The following FNIP1 variants were observed in gnomAD, a reference collection of about 807,000 sequenced individuals.
FNIP1 encodes the protein folliculin-interacting protein 1.
Under a neutral mutation model 124.5 loss-of-function variants are expected in FNIP1, and 40 were observed. The ratio of observed to expected loss-of-function variants is 0.32; its 90% CI spans 0.25 to 0.42. The LOEUF (loss-of-function observed/expected upper bound fraction) is 0.42, where lower values mean the gene tolerates loss of function less well. Among genes scored for constraint, FNIP1 ranks in the 10% least tolerant of loss-of-function variants. The pLI, the probability that FNIP1 is intolerant of heterozygous loss-of-function variation, is 1.00. For synonymous variants in FNIP1, 472 were observed against 470.6 expected (o/e 1.00, Z -0.04); for missense variants, 1,176 against 1,403.7 (o/e 0.84, Z 2.59).
intron 8 of FNIP1, among the ~76,000 whole-genome samples, 161 bp from the exon 9 acceptor site, chr5:131,706,707 T>G (rs1166725713): frequency 6.6e-6 from 1 of 152,214 alleles, no homozygotes; most frequent in Non-Finnish European, 1.5e-5. Flanking sequence ...TAGCAAGGTC[T>G]CAGAGGAGAA....
chr5:131,783,488 C>A (rs769473040), intron 1 of FNIP1, among the ~76,000 whole-genome samples: 12 of 150,160 alleles, frequency 8.0e-5, no homozygotes, highest in African/African-American at 2.7e-4. Context: ...AAGATCAATA[C>A]GGGAGACTGT....
At chr5:131,688,736 T>C (rs1015509679) in intron 11 of FNIP1, among the ~76,000 whole-genome samples, 1 of 139,242 alleles carries the variant, frequency 7.2e-6, no homozygotes, top group African/African-American at 2.6e-5. Context: ...GAATGAAGAA[T>C]GCTTTTGATG....
intron 15 of FNIP1, among the ~76,000 whole-genome samples, chr5:131,658,393 G>A (rs1767275370): frequency 6.6e-6 from 1 of 152,028 alleles, no homozygotes; most frequent in Non-Finnish European, 1.5e-5. Context: ...CTGGGGTATG[G>A]GGCCAAGCTA....
At chr5:131,654,442 A>G (rs561025175) in intron 15 of FNIP1, among the ~76,000 whole-genome samples, 1 of 152,348 alleles carries the variant, frequency 6.6e-6, no homozygotes, top group Non-Finnish European at 1.5e-5. Context: ...CTCCTGGATA[A>G]GCCCAGGTTT....
chr5:131,727,223 G>C (rs929514319), intron 3 of FNIP1, among the ~76,000 whole-genome samples: 17 of 152,134 alleles, frequency 1.1e-4, no homozygotes, highest in Non-Finnish European at 2.1e-4. Flanking sequence ...CTGTCTCGTT[G>C]ATCAGTCTAA....
At chr5:131,722,606 A>G (rs1404574578) in intron 3 of FNIP1, among the ~76,000 whole-genome samples, 1 of 152,142 alleles carries the variant, frequency 6.6e-6, no homozygotes, top group Admixed American at 6.5e-5. Flanking sequence ...AAGATAATCC[A>G]CGTTTAAATA....
intron 10 of FNIP1, among the ~76,000 whole-genome samples, chr5:131,702,171 G>A: frequency 6.6e-6 from 1 of 152,122 alleles, no homozygotes; most frequent in East Asian, 1.9e-4. Flanking sequence ...AAATGTGTAT[G>A]TGACAATGAT....
intron 15 of FNIP1, among the ~76,000 whole-genome samples, chr5:131,663,820 G>A (rs1048220771): frequency 9.9e-5 from 15 of 152,204 alleles, no homozygotes; most frequent in Non-Finnish European, 1.9e-4. Context: ...TTTGCTAAAA[G>A]TTAACAGTGC....
At chr5:131,695,249 T>G (rs1282876335) in intron 11 of FNIP1, among the ~76,000 whole-genome samples, 1 of 152,190 alleles carries the variant, frequency 6.6e-6, no homozygotes, top group African/African-American at 2.4e-5. Context: ...CTGTTCAAAT[T>G]AAGTCTCTTC....
intron 1 of FNIP1, among the ~76,000 whole-genome samples, chr5:131,792,296 G>C (rs1485854506): frequency 6.6e-6 from 1 of 151,922 alleles, no homozygotes; most frequent in South Asian, 2.1e-4. Flanking sequence ...GAGTAGCTGG[G>C]ATTACAGGCG....
At chr5:131,712,359 T>C (rs573888116) in intron 6 of FNIP1, among the ~76,000 whole-genome samples, 152 of 152,308 alleles carry the variant, frequency 1.0e-3, no homozygotes, top group African/African-American at 3.6e-3. Context: ...CCTCCATATA[T>C]CTAATCCTAC....
At chr5:131,693,303 T>TATATATATACATATATTAC (rs1554094441) in intron 11 of FNIP1, among the ~76,000 whole-genome samples, 325 of 29,196 alleles carry the variant, frequency 0.011, 3 homozygotes, top group Non-Finnish European at 0.025. Context: ...TATACATATA[T>TATATATATACATATATTAC]ATATATATAT....
intron 15 of FNIP1, among the ~76,000 whole-genome samples, chr5:131,665,780 G>T (rs186059688): frequency 1.2e-3 from 179 of 151,700 alleles, no homozygotes; most frequent in African/African-American, 4.2e-3. Context: ...TAGCAGAGAC[G>T]GGGTTTCACT....
At chr5:131,670,930 G>A (rs1376799810) in intron 14 of FNIP1, among the ~76,000 whole-genome samples, 1 of 152,136 alleles carries the variant, frequency 6.6e-6, no homozygotes, top group South Asian at 2.1e-4. Flanking sequence ...GTAATGAAGT[G>A]AGGATCAATC....
intron 2 of FNIP1, among the ~76,000 whole-genome samples, chr5:131,739,662 C>T (rs372702361): frequency 2.0e-5 from 3 of 151,572 alleles, no homozygotes; most frequent in East Asian, 1.9e-4. Flanking sequence ...AAATACAAAA[C>T]GTTAGCCGGG....
At chr5:131,665,714 C>T (rs559096981) in intron 15 of FNIP1, among the ~76,000 whole-genome samples, 25 of 150,262 alleles carry the variant, frequency 1.7e-4, no homozygotes, top group East Asian at 9.8e-4. Context: ...CTCAGCCTCC[C>T]GAGTAGCTGG....
intron 1 of FNIP1, among the ~76,000 whole-genome samples, chr5:131,763,639 C>T (rs1771316311): frequency 6.6e-6 from 1 of 152,048 alleles, no homozygotes; most frequent in African/African-American, 2.4e-5. Flanking sequence ...ATCTAATCAC[C>T]TCCCACCAAG....
intron 1 of FNIP1, among the ~76,000 whole-genome samples, chr5:131,767,602 A>G (rs1308280255): frequency 3.3e-5 from 5 of 152,138 alleles, no homozygotes; most frequent in Non-Finnish European, 7.4e-5. Flanking sequence ...CCTAAATACC[A>G]TAGGAAGAAG....
At chr5:131,681,204 G>C (rs1340917532) in intron 11 of FNIP1, among the ~76,000 whole-genome samples, 2 of 152,136 alleles carry the variant, frequency 1.3e-5, no homozygotes, top group Non-Finnish European at 2.9e-5. Flanking sequence ...CAGATATAGA[G>C]TATATCTTGT....
Sources: allele counts gnomAD v4.1 joint callset (sites outside exome capture counted in the v4.1 genomes callset), GRCh38; gene constraint gnomAD v4.1.1; transcripts MANE v1.5; gene names NCBI Gene and HGNC (gene_info 2026-07-23, HGNC 2026-07-21).